The following PPFIBP2 variants were observed in gnomAD, a reference collection of about 807,000 sequenced individuals.
PPFIBP2 encodes PPFIB scaffold protein 2, also known as liprin-beta-2.
A neutral mutation model predicts 118.3 loss-of-function variants in PPFIBP2; 118 were observed. That is an observed-to-expected ratio of 1.00 (90% CI 0.86 to 1.16). The LOEUF (loss-of-function observed/expected upper bound fraction) is 1.16. Ranked by LOEUF, PPFIBP2 falls within the 50% of genes most tolerant of loss-of-function variation. PPFIBP2 has a pLI of 0.00. For synonymous variants in PPFIBP2, 414 were observed against 397.4 expected, an observed-to-expected ratio of 1.04 and a Z score of -0.50; for missense variants, 1,195 against 1,073.1, an observed-to-expected ratio of 1.11 and a Z score of -1.59.
chr11:7,564,366 T>A (rs1277450449), intron 2 of PPFIBP2, among the ~76,000 whole-genome samples: 2 of 152,146 alleles, frequency 1.3e-5, no homozygotes, highest in Non-Finnish European at 2.9e-5. Context: ...CAGTTAAATG[T>A]AATATGGACT....
intron 6 of PPFIBP2, among the ~76,000 whole-genome samples, chr11:7,612,070 G>T (rs566044616): frequency 2.5e-4 from 38 of 152,342 alleles, no homozygotes; most frequent in African/African-American, 9.1e-4. Flanking sequence ...AAGAGAAAAA[G>T]GGAGGAGAGA....
intron 4 of PPFIBP2, among the ~76,000 whole-genome samples, chr11:7,594,971 T>C (rs1417153682): frequency 7.7e-6 from 1 of 129,998 alleles, no homozygotes; most frequent in African/African-American, 2.9e-5. Flanking sequence ...AATAAGCCAA[T>C]ACATTAACTA....
At chr11:7,529,020 C>G (rs562868679) in intron 1 of PPFIBP2, among the ~76,000 whole-genome samples, 2 of 152,238 alleles carry the variant, frequency 1.3e-5, no homozygotes, top group South Asian at 4.2e-4. Context: ...GAGGCTTTTC[C>G]TCAGCCTGGA....
chr11:7,634,608 T>C (rs1027900839), intron 13 of PPFIBP2, 56 bp downstream of exon 13: 30 of 1,378,986 alleles, frequency 2.2e-5, no homozygotes, highest in Non-Finnish European at 2.8e-5. Context: ...GGGCCTAGCA[T>C]AGTACTGGGA....
chr11:7,575,545 G>A (rs879369189), intron 3 of PPFIBP2, among the ~76,000 whole-genome samples: 6 of 152,144 alleles, frequency 3.9e-5, no homozygotes, highest in Non-Finnish European at 7.3e-5. Context: ...GGAACCTTGC[G>A]CCACCTCTCC....
rs568408990 is a variant in PPFIBP2, at chr11:7,569,953, C to A, written c.279+4186C>A. Reference sequence around the variant, plus strand: ...GAACCCCACAGGTGGTCCTGAAGCCCAGAAAGGGAAGCAGTGCTCATCAGT... The same window carrying A: ...GAACCCCACAGGTGGTCCTGAAGCCAAGAAAGGGAAGCAGTGCTCATCAGT... On this transcript the variant is annotated intron_variant, in intron 3 of 23. Coordinates refer to ENST00000299492, the MANE Select transcript of PPFIBP2 (RefSeq NM_003621.5). Among the ~76,000 whole-genome samples, 7 of 152,230 alleles carry A rather than the reference C, an allele frequency of 4.6e-5. No individual in the cohort carries two copies. The South Asian group carries it at 1.5e-3, about 32-fold the overall frequency.
At chr11:7,555,340 C>A (rs1201608642) in intron 2 of PPFIBP2, among the ~76,000 whole-genome samples, 2 of 152,154 alleles carry the variant, frequency 1.3e-5, no homozygotes, top group African/African-American at 2.4e-5. Context: ...TCAGCTGGGG[C>A]CTTTCTGCCA....
chr11:7,648,908 A>T lies in PPFIBP2; in HGVS notation c.1906A>T (p.Thr636Ser), dbSNP rs75225590. ...TGCACTGCTAGACCACATTTGGGTG[A>T]CAAGTAAGGATAGGCATATATGTAT... ...KSALLDHIWV[T>S]RWLDDIGLPQ... Residue 636 changes from threonine to serine, a missense_variant, in exon 19 of 24, where the codon ACA becomes TCA. Coordinates refer to ENST00000299492, the MANE Select transcript of PPFIBP2 (RefSeq NM_003621.5). 650 of 1,611,788 alleles carry T rather than the reference A, an allele frequency of 4.0e-4. 3 individuals carry two copies. In the African/African-American group the frequency reaches 8.0e-3, roughly 20 times the overall value.
rs909678873 is a variant in PPFIBP2, at chr11:7,635,728, C to T, written c.1236+135C>T. The T allele has an allele frequency of 6.4e-5, 53 of 821,884 alleles. No individual in the cohort carries two copies. In the African/African-American group the frequency reaches 8.5e-4, roughly 13 times the overall value. The allele number at this position is 821,884 out of a possible 1,614,324, so 50.9% of individuals were successfully genotyped here. ...TAAGAGGGCAAGAGGAAAGACGCAA[C>T]TTTTCTCTCCCATTTTATTTTTATG... On this transcript the variant is annotated intron_variant, in intron 14 of 23. Coordinates refer to ENST00000299492, the MANE Select transcript of PPFIBP2 (RefSeq NM_003621.5).
chr11:7,609,726 A>G (rs1847835300), intron 5 of PPFIBP2, among the ~76,000 whole-genome samples: 1 of 152,164 alleles, frequency 6.6e-6, no homozygotes, highest in African/African-American at 2.4e-5. Context: ...GTAATTTTGG[A>G]ACAGCCCAGG....
chr11:7,630,289 C>A (rs1850583947), intron 10 of PPFIBP2, among the ~76,000 whole-genome samples: 1 of 152,240 alleles, frequency 6.6e-6, no homozygotes, highest in African/African-American at 2.4e-5. Flanking sequence ...GCCAGGGCCT[C>A]TGCCAGCCCT....
intron 2 of PPFIBP2, among the ~76,000 whole-genome samples, chr11:7,554,008 G>A (rs1432311431): frequency 1.3e-5 from 2 of 152,034 alleles, no homozygotes; most frequent in African/African-American, 4.8e-5. Context: ...TTTGCTTAAG[G>A]GTGGCACAGC....
In PPFIBP2 at chr11:7,630,979, G is replaced by A; in HGVS notation, c.1019G>A (p.Ser340Asn). Residue 340 changes from serine (S) to asparagine (N), a missense_variant, in exon 11 of 24, where the codon AGC becomes AAC. Coordinates refer to ENST00000299492, the MANE Select transcript of PPFIBP2 (RefSeq NM_003621.5). Reference sequence around the variant, plus strand: ...GAAGAAGAACCGGAGGGAGGTTTCAGCAAGTGGAACGCTACAAATAAGGAC... The same window carrying A: ...GAAGAAGAACCGGAGGGAGGTTTCAACAAGTGGAACGCTACAAATAAGGAC... ...INEEEPEGGF[S>N]KWNATNKDPE... 2.5e-6 allele frequency: 4 copies of A among 1,614,142 alleles called. No homozygotes were observed. The highest frequency in any genetic ancestry group is 1.7e-6 in the Non-Finnish European group (2 of 1,179,988).
chr11:7,565,792 G>C, intron 3 of PPFIBP2, 25 bp downstream of exon 3: 1 of 1,610,090 alleles, frequency 6.2e-7, no homozygotes, highest in Non-Finnish European at 8.5e-7. Flanking sequence ...GGCCTGATTG[G>C]GAACCACTGG....
At chr11:7,656,790 T>C (rs759021939), downstream of PPFIBP2, 11 of 1,289,672 alleles carry the variant, frequency 8.5e-6, no homozygotes, top group South Asian at 8.6e-5. Context: ...CTCTGATGAC[T>C]GGAGATGACT....
intron 14 of PPFIBP2, among the ~76,000 whole-genome samples, chr11:7,637,776 C>T (rs1252338865): frequency 1.3e-5 from 2 of 152,244 alleles, no homozygotes; most frequent in African/African-American, 2.4e-5. Context: ...TTGGCCTGAG[C>T]AGAGCTCAGA....
intron 6 of PPFIBP2, 77 bp from the exon 7 acceptor site, chr11:7,620,858 A>G: frequency 3.9e-6 from 4 of 1,037,726 alleles, no homozygotes; most frequent in Admixed American, 3.4e-5. Flanking sequence ...CCCCATATGC[A>G]TGAGCTTAAC....
chr11:7,666,672 C>T, the PPFIBP2 span: 1 of 616,054 alleles, frequency 1.6e-6, no homozygotes. Flanking sequence ...GTGCTCGCTG[C>T]CAACTCCCAC....
intron 6 of PPFIBP2, among the ~76,000 whole-genome samples, chr11:7,613,143 C>A (rs56688375): frequency 6.6e-6 from 1 of 152,028 alleles, no homozygotes; most frequent in East Asian, 1.9e-4. Context: ...TACAGTTTCT[C>A]AGCTTAGCTC....
Sources: allele counts gnomAD v4.1 joint callset (sites outside exome capture counted in the v4.1 genomes callset), GRCh38; gene constraint gnomAD v4.1.1; transcripts MANE v1.5; gene names NCBI Gene and HGNC (gene_info 2026-07-23, HGNC 2026-07-21).